MAPKAP1: variants seen among roughly 807,000 people sequenced by gnomAD.
MAPKAP1 encodes target of rapamycin complex 2 subunit MAPKAP1.
Under a neutral mutation model 65.7 loss-of-function variants are expected in MAPKAP1, and 20 were observed. The ratio of observed to expected loss-of-function variants is 0.30; its 90% CI spans 0.21 to 0.44. The LOEUF (loss-of-function observed/expected upper bound fraction) is 0.44. MAPKAP1 is among the 20% of genes least tolerant of loss of function. MAPKAP1 has a pLI of 1.00. For missense variants in MAPKAP1, 423 were observed against 648.0 expected, an observed-to-expected ratio of 0.65 and a Z score of 3.77; for synonymous variants, 222 against 244.3, an observed-to-expected ratio of 0.91 and a Z score of 0.85.
rs114668707 is a variant in MAPKAP1, at chr9:125,456,567, G to A, written c.1345+11405C>T. On this transcript the variant is annotated intron_variant, in intron 10 of 11. Coordinates refer to ENST00000265960, the MANE Select transcript of MAPKAP1 (RefSeq NM_001006617.3). Reference sequence around the variant, plus strand: ...TTCTAATGAATAATATAGCAGAAGCGTTGGGATGTCACTTCTGTGAATAAG... The same window carrying A: ...TTCTAATGAATAATATAGCAGAAGCATTGGGATGTCACTTCTGTGAATAAG... Among the ~76,000 whole-genome samples the A allele has an allele frequency of 5.1e-3, 771 of 152,286 alleles. 5 individuals carry two copies. The highest frequency in any genetic ancestry group is 0.018 in the African/African-American group (728 of 41,552).
intron 7 of MAPKAP1, among the ~76,000 whole-genome samples, chr9:125,534,603 AT>A (rs1176026580): frequency 6.6e-6 from 1 of 152,186 alleles, no homozygotes; most frequent in Non-Finnish European, 1.5e-5. Context: ...TCTCTGCTTC[AT>A]GTTCTTTGGC....
intron 8 of MAPKAP1, chr9:125,506,022 C>T: frequency 2.3e-6 from 1 of 437,854 alleles, no homozygotes; most frequent in Admixed American, 3.5e-5. Context: ...TCAGAAAAGG[C>T]CTCATGCTTC....
chr9:125,707,148 C>T lies in MAPKAP1; in HGVS notation c.-247G>A. ...GCTTCCCGGGTTAGCCCTCATGCCCCTGCTGCTCGCCGCCGCCGGCCGGCC... is the reference window on the plus strand; with the variant it reads ...GCTTCCCGGGTTAGCCCTCATGCCCTTGCTGCTCGCCGCCGCCGGCCGGCC... On this transcript the variant is annotated 5_prime_UTR_variant, in exon 1 of 12. Coordinates refer to ENST00000265960, the MANE Select transcript of MAPKAP1 (RefSeq NM_001006617.3). The T allele has an allele frequency of 5.0e-6, 2 of 398,250 alleles. No homozygotes were observed. The highest frequency in any genetic ancestry group is 4.4e-6 in the Non-Finnish European group (1 of 225,806). The allele number at this position is 398,250 out of a possible 1,614,324, so 24.7% of individuals were successfully genotyped here. A position where few individuals can be genotyped will look rare whatever the true frequency, so the allele number is the denominator to read the frequency against.
At chr9:125,548,015 A>G (rs952557259) in intron 6 of MAPKAP1, among the ~76,000 whole-genome samples, 16 of 152,324 alleles carry the variant, frequency 1.1e-4, no homozygotes, top group African/African-American at 3.8e-4. Context: ...TATAACAGCA[A>G]CTACTATTTA....
intron 10 of MAPKAP1, among the ~76,000 whole-genome samples, chr9:125,462,331 T>C (rs1853528683): frequency 1.3e-5 from 2 of 152,168 alleles, no homozygotes; most frequent in Admixed American, 6.5e-5. Flanking sequence ...GCCACACATA[T>C]ACATGTGAGG....
At chr9:125,450,118 GA>G (rs941699286) in intron 10 of MAPKAP1, among the ~76,000 whole-genome samples, 3 of 151,964 alleles carry the variant, frequency 2.0e-5, no homozygotes, top group African/African-American at 4.8e-5. Flanking sequence ...TCTGCCTTAA[GA>G]AAAGTCTCAA....
intron 7 of MAPKAP1, among the ~76,000 whole-genome samples, chr9:125,539,601 G>GT (rs1226788426): frequency 6.6e-6 from 1 of 152,206 alleles, no homozygotes; most frequent in Non-Finnish European, 1.5e-5. Context: ...GATTGTGAGG[G>GT]TAAGCTTGAC....
chr9:125,603,336 G>A (rs903596315), intron 4 of MAPKAP1, among the ~76,000 whole-genome samples: 2 of 152,132 alleles, frequency 1.3e-5, no homozygotes, highest in African/African-American at 2.4e-5. Context: ...GGCTACCCAG[G>A]TGGCAGTACC....
At chr9:125,619,767 T>C (rs980633464) in intron 4 of MAPKAP1, among the ~76,000 whole-genome samples, 10 of 151,650 alleles carry the variant, frequency 6.6e-5, no homozygotes, top group African/African-American at 1.9e-4. Context: ...CCAGAAGCTA[T>C]AGAGGCAAAA....
chr9:125,677,878 C>CACA (rs1051734133), intron 1 of MAPKAP1, among the ~76,000 whole-genome samples: 1 of 152,084 alleles, frequency 6.6e-6, no homozygotes, highest in Non-Finnish European at 1.5e-5. Context: ...GATATCCATG[C>CACA]ACAGTAGAAG....
chr9:125,638,545 C>T (rs1313140363), intron 4 of MAPKAP1, among the ~76,000 whole-genome samples: 1 of 152,216 alleles, frequency 6.6e-6, no homozygotes, highest in East Asian at 1.9e-4. Context: ...ACAAAATACA[C>T]TTTAATATTT....
chr9:125,502,778 T>C (rs1446445089), intron 8 of MAPKAP1, among the ~76,000 whole-genome samples: 1 of 152,228 alleles, frequency 6.6e-6, no homozygotes, highest in Non-Finnish European at 1.5e-5. Flanking sequence ...AAATATTCTC[T>C]GTACCGCCTG....
rs116840023 is a variant in MAPKAP1 at position 125,529,954 on chromosome 9, G to A, written c.958+13105C>T. Among the ~76,000 whole-genome samples the A allele has an allele frequency of 4.3e-3, 647 of 152,192 alleles. 6 individuals are homozygous for A. Among genetic ancestry groups the A allele is most frequent in the African/African-American group, 0.015 (617 of 41,530 alleles). ...GCACTTAAAGCTGTTGCAGATATGC[G>A]GCAGAAAGTGCCACTACTTATAATT... On this transcript the variant is annotated intron_variant, in intron 7 of 11. Transcript: ENST00000265960.
chr9:125,652,080 G>C (rs1206630908), intron 4 of MAPKAP1: 1 of 1,242,016 alleles, frequency 8.1e-7, no homozygotes, highest in Non-Finnish European at 1.0e-6. Flanking sequence ...TTCCACTAAG[G>C]GCAATTTTTC....
At chr9:125,468,869 C>CCGGGAATAAAGT (rs1853787000) in intron 9 of MAPKAP1, among the ~76,000 whole-genome samples, 1 of 152,094 alleles carries the variant, frequency 6.6e-6, no homozygotes, top group Admixed American at 6.6e-5. Flanking sequence ...AAAGACAACA[C>CCGGGAATAAAGT]GTTGTATAGT....
At chr9:125,560,849 A>C (rs1830871787) in intron 5 of MAPKAP1, among the ~76,000 whole-genome samples, 1 of 152,228 alleles carries the variant, frequency 6.6e-6, no homozygotes, top group Non-Finnish European at 1.5e-5. Context: ...CCCAGATTGC[A>C]GTCTTGCCCA....
intron 4 of MAPKAP1, among the ~76,000 whole-genome samples, chr9:125,657,326 C>CAT (rs1299140436): frequency 7.3e-5 from 11 of 151,554 alleles, no homozygotes; most frequent in Admixed American, 2.0e-4. Flanking sequence ...TATGTATATA[C>CAT]ATATATATAC....
intron 4 of MAPKAP1, among the ~76,000 whole-genome samples, chr9:125,593,230 GA>G (rs1370813383): frequency 5.9e-5 from 9 of 152,138 alleles, no homozygotes; most frequent in Non-Finnish European, 1.3e-4. Context: ...CCTGAACCCA[GA>G]AGGAAGATGT....
intron 6 of MAPKAP1, among the ~76,000 whole-genome samples, chr9:125,546,232 G>A (rs955360924): frequency 2.0e-5 from 3 of 152,156 alleles, no homozygotes; most frequent in Admixed American, 6.5e-5. Flanking sequence ...CTCCATTTCC[G>A]TAAAAACGTG....
Sources: allele counts gnomAD v4.1 joint callset (sites outside exome capture counted in the v4.1 genomes callset), GRCh38; gene constraint gnomAD v4.1.1; transcripts MANE v1.5; gene names NCBI Gene and HGNC (gene_info 2026-07-23, HGNC 2026-07-21).